The following SCD5 variants were observed in gnomAD, a reference collection of about 807,000 sequenced individuals.
SCD5 encodes acyl-CoA-desaturase 4.
SCD5 carries 20 observed loss-of-function variants against 30.4 expected under a neutral mutation model. The observed-to-expected ratio is 0.66, with a 90% CI of 0.46 to 0.96. The LOEUF (loss-of-function observed/expected upper bound fraction) is 0.96. Ranked by LOEUF, SCD5 falls within the 40% of genes least tolerant of loss-of-function variation. The pLI is 0.00. For missense variants in SCD5, 381 were observed against 443.3 expected, an observed-to-expected ratio of 0.86 and a Z score of 1.26; for synonymous variants, 173 against 176.4, an observed-to-expected ratio of 0.98 and a Z score of 0.16.
chr4:82,708,825 T>G (rs1490310393), intron 1 of SCD5, among the ~76,000 whole-genome samples: 1 of 152,214 alleles, frequency 6.6e-6, no homozygotes, highest in Non-Finnish European at 1.5e-5. Context: ...GAGCCATCCC[T>G]GAGTGCTCGA....
intron 1 of SCD5, among the ~76,000 whole-genome samples, chr4:82,777,461 C>T (rs569880012): frequency 6.6e-5 from 10 of 152,318 alleles, no homozygotes; most frequent in African/African-American, 2.4e-4. Context: ...GTGCTGAAAA[C>T]ATTCATGACA....
chr4:82,658,630 C>CTTTTTTT lies in SCD5; in HGVS notation c.570-21814_570-21808dup, dbSNP rs57727794. ...TACAAGTGTGTGCTACCACACCTGG[C>CTTTTTTT]TTTTTTTTTTTTTTTTTTTTTTTTT... On this transcript the variant is annotated intron_variant, in intron 3 of 4. Coordinates refer to ENST00000319540, the MANE Select transcript of SCD5 (RefSeq NM_001037582.3). Among the ~76,000 whole-genome samples the CTTTTTTT allele has an allele frequency of 7.6e-4, 89 of 116,904 alleles. 2 individuals carry two copies. Among genetic ancestry groups the CTTTTTTT allele is most frequent in the Non-Finnish European group, 9.3e-4 (54 of 58,104 alleles). The allele number at this position is 116,904 out of a possible 152,430, so 76.7% of individuals were successfully genotyped here. A position where few individuals can be genotyped will look rare whatever the true frequency, so the allele number is the denominator to read the frequency against.
At chr4:82,672,089 T>C (rs1274805613) in intron 3 of SCD5, among the ~76,000 whole-genome samples, 1 of 152,046 alleles carries the variant, frequency 6.6e-6, no homozygotes, top group East Asian at 1.9e-4. Context: ...CATGACTACA[T>C]ATGTTAGGAA....
intron 2 of SCD5, among the ~76,000 whole-genome samples, chr4:82,694,694 G>A (rs1719658225): frequency 6.6e-6 from 1 of 152,050 alleles, no homozygotes; most frequent in South Asian, 2.1e-4. Context: ...CATAAGAAGA[G>A]AAAATATATT....
At chr4:82,759,831 C>T (rs903268566) in intron 1 of SCD5, among the ~76,000 whole-genome samples, 46 of 152,088 alleles carry the variant, frequency 3.0e-4, no homozygotes, top group African/African-American at 1.1e-3. Context: ...ACCTTCTTAT[C>T]CTTTTGCTTA....
chr4:82,770,671 T>A (rs935260783), intron 1 of SCD5, among the ~76,000 whole-genome samples: 1 of 152,264 alleles, frequency 6.6e-6, no homozygotes, highest in Non-Finnish European at 1.5e-5. Flanking sequence ...GCCAGGGCTC[T>A]GCACATGTCC....
At chr4:82,669,945 T>C (rs1728272512) in intron 3 of SCD5, among the ~76,000 whole-genome samples, 2 of 152,118 alleles carry the variant, frequency 1.3e-5, no homozygotes, top group Admixed American at 6.6e-5. Context: ...GAAACACTTG[T>C]GGAGTCCACA....
At chr4:82,631,717 A>G (rs1318916484) in intron 4 of SCD5, among the ~76,000 whole-genome samples, 200 bp from the exon 5 acceptor site, 1 of 152,220 alleles carries the variant, frequency 6.6e-6, no homozygotes. Context: ...ATAGCAATAA[A>G]TCGTCACAAG....
At position 82,679,279 on chromosome 4, in the gene SCD5, A is replaced by G. The variant is rs532798048; in HGVS notation, c.569+1428T>C. Among the ~76,000 whole-genome samples, 37 of 126,436 alleles carry G rather than the reference A, an allele frequency of 2.9e-4. 1 individual carries two copies. Among genetic ancestry groups the G allele is most frequent in the African/African-American group, 9.8e-4 (34 of 34,632 alleles). The allele number at this position is 126,436 out of a possible 152,430, so 82.9% of individuals were successfully genotyped here. On this transcript the variant is annotated intron_variant, in intron 3 of 4. Transcript: ENST00000319540. ...AAGAAAGAAGGAAGGAAAGAAAGAA[A>G]GAAGGAAGGAAAGAAAGAAAGAAAA...
chr4:82,740,077 G>C (rs577400066), intron 1 of SCD5, among the ~76,000 whole-genome samples: 1 of 152,270 alleles, frequency 6.6e-6, no homozygotes, highest in African/African-American at 2.4e-5. Flanking sequence ...GCATCTGATG[G>C]GAAACACAGG....
intron 1 of SCD5, among the ~76,000 whole-genome samples, chr4:82,757,332 C>T (rs1721253197): frequency 6.6e-6 from 1 of 152,134 alleles, no homozygotes; most frequent in African/African-American, 2.4e-5. Flanking sequence ...CCCAGGAGGG[C>T]TCTTCACCCT....
At chr4:82,707,653 G>A (rs1719997242) in intron 1 of SCD5, among the ~76,000 whole-genome samples, 1 of 152,262 alleles carries the variant, frequency 6.6e-6, no homozygotes, top group Non-Finnish European at 1.5e-5. Context: ...GGAGGCCCAT[G>A]TGGCAAAGAA....
rs994281603 is a variant in SCD5 at position 82,732,381 on chromosome 4, C to T, written c.233-26968G>A. 4.6e-5 allele frequency among the ~76,000 whole-genome samples: 7 copies of T among 152,358 alleles called. No homozygotes were observed. In the East Asian group the frequency reaches 1.3e-3, roughly 29 times the overall value. On this transcript the variant is annotated intron_variant, in intron 1 of 4. Coordinates refer to ENST00000319540, the MANE Select transcript of SCD5 (RefSeq NM_001037582.3). ...CTTGGATTACAGGCACGAGCCACCA[C>T]GCCTGGCCTCCTATTACTTTCAAAA...
Position 82,798,322 on chromosome 4 carries a change from T to C in SCD5, c.216A>G (p.Pro72=). 1 of 1,610,148 alleles carries C rather than the reference T, an allele frequency of 6.2e-7. No homozygotes were observed. The highest frequency in any genetic ancestry group is 1.7e-5 in the Admixed American group (1 of 59,722). The change falls in exon 1 of 5, where the codon CCA becomes CCG. Residue 72 remains proline, a synonymous_variant. Transcript: ENST00000319540. ...YSLVLIPKAK[P]LTLLWAYFCF... Reference sequence around the variant, plus strand: ...GGGACTTACCCCAGAGCAGAGTGAGTGGCTTGGCTTTGGGGATGAGCACCA... The same window carrying C: ...GGGACTTACCCCAGAGCAGAGTGAGCGGCTTGGCTTTGGGGATGAGCACCA...
chr4:82,696,933 C>T (rs925708657), intron 2 of SCD5, among the ~76,000 whole-genome samples: 12 of 152,190 alleles, frequency 7.9e-5, no homozygotes, highest in African/African-American at 2.9e-4. Flanking sequence ...AAAATAAGCT[C>T]AGACATTTGG....
At chr4:82,794,940 C>G (rs1368600577) in intron 1 of SCD5, among the ~76,000 whole-genome samples, 3 of 152,112 alleles carry the variant, frequency 2.0e-5, no homozygotes, top group South Asian at 4.1e-4. Context: ...CGTGAGCCAC[C>G]ATGCCCGGCC....
At chr4:82,786,222 TAA>T (rs1390589018) in intron 1 of SCD5, among the ~76,000 whole-genome samples, 1 of 151,954 alleles carries the variant, frequency 6.6e-6, no homozygotes, top group Non-Finnish European at 1.5e-5. Context: ...GCCCAGGCTG[TAA>T]GTGATTAATT....
intron 1 of SCD5, among the ~76,000 whole-genome samples, chr4:82,751,611 C>G (rs1206509414): frequency 6.6e-6 from 1 of 151,884 alleles, no homozygotes; most frequent in East Asian, 1.9e-4. Flanking sequence ...TCTTTTGAAT[C>G]TTTTACTTTT....
chr4:82,684,764 A>G lies in SCD5; in HGVS notation c.364-3852T>C, dbSNP rs558677959. Among the ~76,000 whole-genome samples, 4 of 152,278 alleles carry G rather than the reference A, an allele frequency of 2.6e-5. No homozygotes were observed. The East Asian group carries it at 7.7e-4, about 29-fold the overall frequency. ...TATCCTGATAATCTCTCTTCCTCTT[A>G]GTGTTTGCATGGTGCTGATAGCTCT... On this transcript the variant is annotated intron_variant, in intron 2 of 4. Coordinates refer to ENST00000319540, the MANE Select transcript of SCD5 (RefSeq NM_001037582.3).
Sources: gnomAD v4.1 joint callset for allele counts (sites outside exome capture counted in the v4.1 genomes callset) on GRCh38, gnomAD v4.1.1 for gene constraint, MANE v1.5 for transcripts, NCBI Gene and HGNC (gene_info 2026-07-23, HGNC 2026-07-21) for gene names.